PLXNA4: variants seen among roughly 807,000 people sequenced by gnomAD.
PLXNA4 encodes plexin A4, also known as plexin-A4.
In PLXNA4, 44 loss-of-function variants were observed where a neutral mutation model predicts 191.8. The observed-to-expected ratio is 0.23, with a 90% confidence interval of 0.18 to 0.29. The LOEUF (loss-of-function observed/expected upper bound fraction) is 0.29, where lower values mean the gene tolerates loss of function less well. PLXNA4 is among the 10% of genes least tolerant of loss of function. The pLI is 1.00. For synonymous variants in PLXNA4, 1,082 were observed against 1,009.5 expected (o/e 1.07, Z -1.36); for missense variants, 1,800 against 2,488.8 (o/e 0.72, Z 5.89).
At chr7:132,384,308 A>T in intron 3 of PLXNA4, 1 of 985,434 alleles carries the variant, frequency 1.0e-6, no homozygotes, top group Non-Finnish European at 1.2e-6. Context: ...CTAATTTTAC[A>T]TCTTGCCTTC....
chr7:132,491,985 A>G (rs887037404), intron 2 of PLXNA4, among the ~76,000 whole-genome samples: 5 of 152,168 alleles, frequency 3.3e-5, no homozygotes, highest in African/African-American at 1.2e-4. Context: ...CTGGGGTGCT[A>G]GGGGTCCTCG....
Position 132,180,612 on chromosome 7 carries a change from TG to T in PLXNA4, c.3612del (p.Asn1205ThrfsTer8). On this transcript the variant is annotated frameshift_variant, in exon 19 of 32. Coordinates refer to ENST00000321063, the MANE Select transcript of PLXNA4 (RefSeq NM_020911.2). LOFTEE classifies it high-confidence loss of function. ...VSDVQLLCES[P>X]NLIGRHKVMA... is the part of the protein sequence containing the mutation. Reference sequence around the variant, plus strand: ...ATCACTTTGTGCCTGCCGATGAGGTTGGGGGACTCGCAGAGCAGCTGGACAT... The same window carrying T: ...ATCACTTTGTGCCTGCCGATGAGGTTGGGGACTCGCAGAGCAGCTGGACAT... The T allele has an allele frequency of 6.2e-7, 1 of 1,614,160 alleles. No individual in the cohort carries two copies. Among genetic ancestry groups the T allele is most frequent in the Non-Finnish European group, 8.5e-7 (1 of 1,180,022 alleles).
intron 23 of PLXNA4, 53 bp downstream of exon 23, chr7:132,165,081 G>A (rs1204333926): frequency 1.3e-6 from 2 of 1,592,552 alleles, no homozygotes; most frequent in East Asian, 2.3e-5. Flanking sequence ...CCCCAGTCAG[G>A]CTGCAGAGAA....
rs1367474242 is a variant in PLXNA4 at position 132,129,974 on chromosome 7, TG to T, written c.*504del. The T allele has an allele frequency of 6.1e-6, 1 of 163,192 alleles. No homozygotes were observed. The highest frequency in any genetic ancestry group is 2.4e-5 in the African/African-American group (1 of 41,864). The allele number at this position is 163,192 out of a possible 1,614,324, so 10.1% of individuals were successfully genotyped here. A position where few individuals can be genotyped will look rare whatever the true frequency, so the allele number is the denominator to read the frequency against. ...AGACCACTGGCTGAACCACTGGAGA[TG>T]GAACTGTGGGAAGGGAGAGCCAGGT... On this transcript the variant is annotated 3_prime_UTR_variant, in exon 32 of 32. Transcript: ENST00000321063.
intron 2 of PLXNA4, among the ~76,000 whole-genome samples, chr7:132,634,146 G>A (rs1803547301): frequency 6.6e-6 from 1 of 152,002 alleles, no homozygotes; most frequent in Non-Finnish European, 1.5e-5. Flanking sequence ...TAAACCCTTG[G>A]CCCATTCCTT....
chr7:132,207,351 C>T (rs1562921279), intron 10 of PLXNA4, among the ~76,000 whole-genome samples: 1 of 152,260 alleles, frequency 6.6e-6, no homozygotes, highest in Non-Finnish European at 1.5e-5. Flanking sequence ...CCGGCCCTCA[C>T]GACCAGCACT....
chr7:132,183,783 C>T (rs1796788663), intron 16 of PLXNA4, among the ~76,000 whole-genome samples: 2 of 152,198 alleles, frequency 1.3e-5, no homozygotes, highest in East Asian at 1.9e-4. Context: ...AGAGTAACTG[C>T]TGAGGACGGC....
intron 3 of PLXNA4, among the ~76,000 whole-genome samples, chr7:132,470,266 G>C (rs1796884239): frequency 6.6e-6 from 1 of 152,188 alleles, no homozygotes; most frequent in Non-Finnish European, 1.5e-5. Context: ...AGAAACAAGG[G>C]GGGGCCTGTC....
chr7:132,332,305 C>G (rs569464008), intron 3 of PLXNA4, among the ~76,000 whole-genome samples: 3 of 152,206 alleles, frequency 2.0e-5, no homozygotes, highest in Non-Finnish European at 4.4e-5. Context: ...TTTCTGGGAC[C>G]TGTCCGCTCT....
At chr7:132,228,580 T>C in intron 5 of PLXNA4, 111 bp from the exon 6 acceptor site, 1 of 1,404,918 alleles carries the variant, frequency 7.1e-7, no homozygotes, top group Non-Finnish European at 9.7e-7. Context: ...CCAAACTCAA[T>C]GCGCCCAGAG....
intron 3 of PLXNA4, among the ~76,000 whole-genome samples, chr7:132,408,563 A>G (rs1410570383): frequency 1.3e-5 from 2 of 152,050 alleles, no homozygotes; most frequent in African/African-American, 4.8e-5. Flanking sequence ...ACCCGGGTTC[A>G]AGTGATTCTT....
chr7:132,574,075 C>A (rs925972637), intron 1 of PLXNA4, among the ~76,000 whole-genome samples: 1 of 152,166 alleles, frequency 6.6e-6, no homozygotes, highest in African/African-American at 2.4e-5. Flanking sequence ...TCCTAGAAAC[C>A]AAATTGGTAC....
At chr7:132,282,848 G>A (rs1800536878) in intron 4 of PLXNA4, among the ~76,000 whole-genome samples, 1 of 151,912 alleles carries the variant, frequency 6.6e-6, no homozygotes. Flanking sequence ...TGAAGTTGGG[G>A]ATATTGGGTC....
rs200118897 is a variant in PLXNA4 at position 132,181,569 on chromosome 7, C to T, written c.3304G>A (p.Ala1102Thr). Residue 1102 changes from alanine (A) to threonine (T), a missense_variant, in exon 18 of 32, where the codon GCT becomes ACT. Ala to Thr is a moderately conservative substitution (Grantham distance 58). Transcript: ENST00000321063. ...TEMTCQAPAL[A>T]LGPDHQSDLT... is the part of the protein sequence containing the mutation. ...TCTGACTGGTGGTCAGGACCCAGAG[C>T]GAGGGCGGGCGCCTGACAGGTCATC... 107 of 1,614,150 alleles carry T rather than the reference C, an allele frequency of 6.6e-5. No homozygotes were observed. In the African/African-American group the frequency reaches 1.2e-3, roughly 17 times the overall value.
chr7:132,395,132 C>T (rs1446564663), intron 3 of PLXNA4, among the ~76,000 whole-genome samples: 1 of 152,224 alleles, frequency 6.6e-6, no homozygotes, highest in Non-Finnish European at 1.5e-5. Context: ...CCACTTTTCA[C>T]ACCTGGAAAT....
chr7:132,493,219 A>C (rs1030932791), intron 2 of PLXNA4, among the ~76,000 whole-genome samples: 1 of 152,190 alleles, frequency 6.6e-6, no homozygotes, highest in African/African-American at 2.4e-5. Flanking sequence ...GGGCCCCATT[A>C]ACAGTGAGAT....
intron 3 of PLXNA4, chr7:132,385,010 A>G (rs753455322): frequency 8.0e-4 from 1,131 of 1,410,364 alleles, no homozygotes; most frequent in Non-Finnish European, 1.0e-3. Flanking sequence ...TACCTAGCCA[A>G]GCTAAGCAGA....
At chr7:132,360,273 G>A (rs1803882178) in intron 3 of PLXNA4, among the ~76,000 whole-genome samples, 1 of 152,108 alleles carries the variant, frequency 6.6e-6, no homozygotes, top group Non-Finnish European at 1.5e-5. Context: ...CCTCCAGGTG[G>A]GCCTGTCCCT....
At chr7:132,632,171 GGTT>G (rs1411793068) in intron 2 of PLXNA4, among the ~76,000 whole-genome samples, 2 of 148,708 alleles carry the variant, frequency 1.3e-5, no homozygotes, top group Admixed American at 1.4e-4. Context: ...GGGAGGCGGA[GGTT>G]GCAGTGAGCT....
Sources: gnomAD v4.1 joint callset for allele counts (sites outside exome capture counted in the v4.1 genomes callset) on GRCh38, gnomAD v4.1.1 for gene constraint, MANE v1.5 for transcripts, NCBI Gene and HGNC (gene_info 2026-07-23, HGNC 2026-07-21) for gene names.